CCDC171: variants seen among roughly 807,000 people sequenced by gnomAD.
The protein encoded by CCDC171 is coiled-coil domain containing 171, also known as coiled-coil domain-containing protein 171.
CCDC171 carries 177 observed loss-of-function variants against 168.2 expected under a neutral mutation model. The ratio of observed to expected loss-of-function variants is 1.05; its 90% CI spans 0.93 to 1.19. CCDC171 has a LOEUF of 1.19. CCDC171 is among the 50% of genes most tolerant of loss of function. CCDC171 has a pLI of 0.00. For synonymous variants in CCDC171, 687 were observed against 540.8 expected, an observed-to-expected ratio of 1.27 and a Z score of -3.75; for missense variants, 1,991 against 1,539.0, an observed-to-expected ratio of 1.29 and a Z score of -4.91.
At chr9:15,811,936 G>A (rs573307600) in intron 21 of CCDC171, among the ~76,000 whole-genome samples, 151 of 152,320 alleles carry the variant, frequency 9.9e-4, no homozygotes, top group South Asian at 1.9e-3. Flanking sequence ...GGAGATTTAT[G>A]TTAAGTTGTG....
chr9:15,593,997 CT>C, intron 5 of CCDC171, 43 bp from the exon 6 acceptor site: 1 of 1,393,090 alleles, frequency 7.2e-7, no homozygotes, highest in Admixed American at 2.1e-5. Flanking sequence ...AGGAAGATAA[CT>C]TTTATTGATC....
intron 16 of CCDC171, among the ~76,000 whole-genome samples, chr9:15,735,448 G>C (rs1302370252): frequency 6.6e-6 from 1 of 151,690 alleles, no homozygotes; most frequent in African/African-American, 2.4e-5. Flanking sequence ...TTTTTTTACT[G>C]TCAGTTAATT....
chr9:15,903,715 G>A (rs924972272), intron 24 of CCDC171, among the ~76,000 whole-genome samples: 8 of 152,110 alleles, frequency 5.3e-5, no homozygotes, highest in Non-Finnish European at 7.4e-5. Context: ...GGCTTCAGAC[G>A]ATCAAACTAC....
intron 25 of CCDC171, among the ~76,000 whole-genome samples, chr9:15,960,051 G>A (rs1056921593): frequency 2.0e-5 from 3 of 152,178 alleles, no homozygotes; most frequent in Non-Finnish European, 4.4e-5. Context: ...GGAATCCACA[G>A]GGGTGTTTGA....
At chr9:15,598,905 G>A (rs543015478) in intron 6 of CCDC171, among the ~76,000 whole-genome samples, 1 of 152,102 alleles carries the variant, frequency 6.6e-6, no homozygotes, top group African/African-American at 2.4e-5. Context: ...ATTATGTAAT[G>A]GCCTTCTTTG....
chr9:15,879,533 T>C (rs909173481), intron 24 of CCDC171, among the ~76,000 whole-genome samples: 4 of 152,202 alleles, frequency 2.6e-5, no homozygotes, highest in African/African-American at 9.6e-5. Context: ...TTAGAACTTA[T>C]ACCTTCTAGC....
intron 11 of CCDC171, among the ~76,000 whole-genome samples, chr9:15,713,450 T>A (rs2052834315): frequency 6.6e-6 from 1 of 152,218 alleles, no homozygotes; most frequent in Non-Finnish European, 1.5e-5. Context: ...ACAACTTATT[T>A]GTGCCTTCGG....
At chr9:15,730,804 T>C (rs1209485957) in intron 16 of CCDC171, among the ~76,000 whole-genome samples, 1 of 152,006 alleles carries the variant, frequency 6.6e-6, no homozygotes, top group African/African-American at 2.4e-5. Flanking sequence ...TGTATGCAGA[T>C]TACTATATTA....
chr9:15,708,123 C>T (rs1172987409), intron 11 of CCDC171, among the ~76,000 whole-genome samples: 2 of 152,056 alleles, frequency 1.3e-5, no homozygotes, highest in African/African-American at 4.8e-5. Flanking sequence ...GTTGGGATTA[C>T]AGGCATGAGC....
intron 11 of CCDC171, among the ~76,000 whole-genome samples, chr9:15,720,938 G>A (rs751037731): frequency 2.0e-5 from 3 of 152,126 alleles, no homozygotes; most frequent in Non-Finnish European, 4.4e-5. Flanking sequence ...AACATGCAGT[G>A]TTTGGTTTTT....
intron 4 of CCDC171, among the ~76,000 whole-genome samples, chr9:15,584,589 A>T (rs1563987339): frequency 1.3e-5 from 2 of 152,156 alleles, no homozygotes; most frequent in African/African-American, 4.8e-5. Context: ...GGGCCCCATG[A>T]CCTACTTTCA....
In CCDC171 at chr9:15,564,116, G is replaced by T. The variant is rs1472926649; in HGVS notation, c.28G>T (p.Gly10Cys). The change falls in exon 2 of 26, where the codon GGT becomes TGT. Residue 10 changes from glycine to cysteine, a missense_variant. Gly to Cys is a radical substitution (Grantham distance 159, BLOSUM62 -3). Transcript: ENST00000380701. The stretch of plus-strand genomic sequence containing the variant: ...GAATTTGAATACTTCAAGTAATACT[G>T]GTGATACCCAAAGGTAAGCCTCTAG... MNLNTSSNT[G>C]DTQRLKIASL... 6.2e-7 allele frequency: 1 copy of T among 1,608,558 alleles called. No individual in the cohort carries two copies. The highest frequency in any genetic ancestry group is 1.7e-5 in the Admixed American group (1 of 58,754).
At chr9:15,734,870 T>A (rs779097799) in intron 16 of CCDC171, among the ~76,000 whole-genome samples, 1 of 152,194 alleles carries the variant, frequency 6.6e-6, no homozygotes, top group Admixed American at 6.5e-5. Flanking sequence ...TTGTGAGTTA[T>A]AGAGGATGTT....
At chr9:16,027,348 AC>A (rs2133034737) in intron 6 of CCDC171, among the ~76,000 whole-genome samples, 1 of 152,074 alleles carries the variant, frequency 6.6e-6, no homozygotes, top group Admixed American at 6.5e-5. Flanking sequence ...GAATACCTGG[AC>A]CACCAACAAA....
intron 3 of CCDC171, among the ~76,000 whole-genome samples, chr9:15,990,932 C>T (rs1832172843): frequency 6.6e-6 from 1 of 152,118 alleles, no homozygotes; most frequent in South Asian, 2.1e-4. Context: ...AAAGCAAGTC[C>T]TTAGAGACCT....
intron 10 of CCDC171, among the ~76,000 whole-genome samples, chr9:15,680,606 T>TA (rs1433592937): frequency 6.6e-6 from 1 of 152,242 alleles, no homozygotes; most frequent in African/African-American, 2.4e-5. Flanking sequence ...AGGGAACTGA[T>TA]ATCATTGCTT....
chr9:15,777,642 C>A lies in CCDC171; in HGVS notation c.2714C>A (p.Ala905Asp). The A allele has an allele frequency of 6.2e-7, 1 of 1,613,688 alleles. No individual in the cohort carries two copies. Among genetic ancestry groups the A allele is most frequent in the Non-Finnish European group, 8.5e-7 (1 of 1,179,916 alleles). Residue 905 changes from alanine (A) to aspartate (D), a missense_variant, in exon 19 of 26, where the codon GCC becomes GAC. Transcript: ENST00000380701. Reference sequence around the variant, plus strand: ...TGTGGACATTTACTCATAGGTGCAGCCAAGAATTCTTTTGCAAAACTCATG... The same window carrying A: ...TGTGGACATTTACTCATAGGTGCAGACAAGAATTCTTTTGCAAAACTCATG... ...RICGHLLIGA[A>D]KNSFAKLMDK...
At chr9:15,950,346 A>AG (rs1406153257) in intron 25 of CCDC171, among the ~76,000 whole-genome samples, 2 of 152,280 alleles carry the variant, frequency 1.3e-5, no homozygotes, top group East Asian at 3.9e-4. Flanking sequence ...GTTGAAATGA[A>AG]GGAAAAAATG....
At chr9:16,096,947 C>T in the CCDC171 span, among the ~76,000 whole-genome samples, 2 of 152,020 alleles carry the variant, frequency 1.3e-5, no homozygotes, top group African/African-American at 4.8e-5. Context: ...GCCAAGTCTC[C>T]CTGATACCAA....
Sources: allele counts gnomAD v4.1 joint callset (sites outside exome capture counted in the v4.1 genomes callset), GRCh38; gene constraint gnomAD v4.1.1; transcripts MANE v1.5; gene names NCBI Gene and HGNC (gene_info 2026-07-23, HGNC 2026-07-21).